NTRK2: variants seen among roughly 807,000 people sequenced by gnomAD.
NTRK2 encodes BDNF/NT-3 growth factors receptor.
A neutral mutation model predicts 94.5 loss-of-function variants in NTRK2; 13 were observed. That is an observed-to-expected ratio of 0.14 (90% CI 0.09 to 0.22). NTRK2 has a LOEUF of 0.22. Among genes scored for constraint, NTRK2 ranks in the 10% least tolerant of loss-of-function variants. NTRK2 has a pLI of 1.00. For synonymous variants in NTRK2, 372 were observed against 407.4 expected (o/e 0.91, Z 1.05); for missense variants, 639 against 1,071.2 (o/e 0.60, Z 5.63).
intron 12 of NTRK2, among the ~76,000 whole-genome samples, chr9:84,848,758 A>G (rs940488545): frequency 1.3e-5 from 2 of 152,180 alleles, no homozygotes; most frequent in Non-Finnish European, 2.9e-5. Context: ...AAAAAATCAA[A>G]TTTTCTCTCC....
chr9:84,805,838 G>C (rs1014061307), intron 12 of NTRK2, among the ~76,000 whole-genome samples: 12 of 152,196 alleles, frequency 7.9e-5, no homozygotes, highest in African/African-American at 2.9e-4. Context: ...AGAGACAGCT[G>C]TACTAGCACA....
chr9:84,903,038 T>C (rs968668502), intron 14 of NTRK2, among the ~76,000 whole-genome samples: 1 of 152,248 alleles, frequency 6.6e-6, no homozygotes, highest in South Asian at 2.1e-4. Context: ...AATTTGAAGA[T>C]GAAAGGAGTT....
intron 5 of NTRK2, 100 bp from the exon 6 acceptor site, chr9:84,710,537 C>T: frequency 7.8e-7 from 1 of 1,279,704 alleles, no homozygotes; most frequent in Non-Finnish European, 1.1e-6. Context: ...CCAAGCATTG[C>T]TGGCTAGAAA....
intron 13 of NTRK2, among the ~76,000 whole-genome samples, chr9:84,866,732 A>T (rs1261327558): frequency 6.6e-6 from 1 of 152,216 alleles, no homozygotes; most frequent in Non-Finnish European, 1.5e-5. Context: ...AGAGAAATTA[A>T]AACACGTGTC....
chr9:84,974,253 A>T (rs1826528360), intron 17 of NTRK2, among the ~76,000 whole-genome samples: 1 of 152,192 alleles, frequency 6.6e-6, no homozygotes, highest in African/African-American at 2.4e-5. Flanking sequence ...CATACTATAG[A>T]CTAATATTAC....
At chr9:84,806,781 A>C (rs1042783203) in intron 12 of NTRK2, among the ~76,000 whole-genome samples, 1 of 152,260 alleles carries the variant, frequency 6.6e-6, no homozygotes, top group African/African-American at 2.4e-5. Flanking sequence ...ACAAAGCACA[A>C]CTGTACCTTG....
rs75066745 is a variant in NTRK2 at position 85,021,413 on chromosome 9, G to C, written c.2493G>C (p.Pro831=). Residue 831 remains proline (P), a synonymous_variant, in exon 19 of 19, where the codon CCG becomes CCC. Transcript: ENST00000277120. ...TLLQNLAKAS[P]VYLDILG ...TTCAGAACTTGGCCAAGGCATCTCC[G>C]GTCTACCTGGACATTCTAGGCTAGG... 46 of 1,614,106 alleles carry C rather than the reference G, an allele frequency of 2.8e-5. No homozygotes were observed. In the East Asian group the frequency reaches 9.6e-4, roughly 34 times the overall value.
chr9:84,686,343 A>T (rs1278236285), intron 2 of NTRK2, among the ~76,000 whole-genome samples: 1 of 152,252 alleles, frequency 6.6e-6, no homozygotes, highest in East Asian at 1.9e-4. Context: ...AGAGATGCAG[A>T]GCACACAAGC....
chr9:84,918,875 CT>C (rs1054650431), intron 14 of NTRK2, among the ~76,000 whole-genome samples: 2 of 152,188 alleles, frequency 1.3e-5, no homozygotes, highest in African/African-American at 4.8e-5. Flanking sequence ...TGTTTCTCTG[CT>C]TCTGGGCACT....
intron 14 of NTRK2, among the ~76,000 whole-genome samples, chr9:84,870,337 A>ATGTG (rs1564411365): frequency 5.5e-5 from 4 of 72,210 alleles, no homozygotes; most frequent in African/African-American, 2.7e-4. Flanking sequence ...GTGTGTATAT[A>ATGTG]TATATATATA....
chr9:84,739,023 C>T (rs1303257876), intron 9 of NTRK2, among the ~76,000 whole-genome samples: 4 of 151,944 alleles, frequency 2.6e-5, no homozygotes, highest in Admixed American at 2.0e-4. Flanking sequence ...GGACACTGAC[C>T]TATTTTTAAT....
At chr9:84,759,725 G>C (rs112781876) in intron 12 of NTRK2, among the ~76,000 whole-genome samples, 2,767 of 152,160 alleles carry the variant, frequency 0.018, 93 homozygotes, top group African/African-American at 0.063. Flanking sequence ...AAATCTTCTG[G>C]TTTTCTTCTT....
At chr9:84,783,606 G>C (rs1396014272) in intron 12 of NTRK2, among the ~76,000 whole-genome samples, 1 of 152,212 alleles carries the variant, frequency 6.6e-6, no homozygotes, top group Non-Finnish European at 1.5e-5. Context: ...GGTCCTCAGA[G>C]ATGGGCATTG....
intron 14 of NTRK2, among the ~76,000 whole-genome samples, chr9:84,878,764 C>G (rs11793480): frequency 0.17 from 26,498 of 152,092 alleles, 2,509 homozygotes; most frequent in African/African-American, 0.25. Flanking sequence ...TAATTGTGTG[C>G]ACAAAGCAAG....
chr9:84,926,143 TTCCTTCCTTCCTTCCTTCCTTC>T, intron 14 of NTRK2, among the ~76,000 whole-genome samples: 1 of 80,266 alleles, frequency 1.2e-5, no homozygotes, highest in East Asian at 3.2e-4. Flanking sequence ...CCTTCCTTCC[TTCCTTCCTTCCTTCCTTCCTTC>T]CTTCCTTTCT....
chr9:84,968,780 T>C (rs1286058916), intron 17 of NTRK2, among the ~76,000 whole-genome samples: 1 of 152,230 alleles, frequency 6.6e-6, no homozygotes, highest in Non-Finnish European at 1.5e-5. Context: ...ATACATATTA[T>C]TAAGTATTAT....
intron 8 of NTRK2, 49 bp downstream of exon 8, chr9:84,724,405 G>T (rs201799374): frequency 2.5e-6 from 4 of 1,611,972 alleles, no homozygotes; most frequent in South Asian, 1.1e-5. Flanking sequence ...GATCATGGAC[G>T]TACCTACGTT....
At chr9:84,752,409 A>T (rs1469636126) in intron 12 of NTRK2, among the ~76,000 whole-genome samples, 9 of 152,212 alleles carry the variant, frequency 5.9e-5, no homozygotes, top group Admixed American at 5.9e-4. Context: ...CACAGTGGGG[A>T]TAGGATAACC....
chr9:84,980,603 G>A (rs910820964), intron 17 of NTRK2, among the ~76,000 whole-genome samples: 1 of 152,176 alleles, frequency 6.6e-6, no homozygotes, highest in African/African-American at 2.4e-5. Context: ...CTAGGTGTGA[G>A]TCTGTATTCC....
Sources: gnomAD v4.1 joint callset for allele counts (sites outside exome capture counted in the v4.1 genomes callset) on GRCh38, gnomAD v4.1.1 for gene constraint, MANE v1.5 for transcripts, NCBI Gene and HGNC (gene_info 2026-07-23, HGNC 2026-07-21) for gene names.